Variants in KCNQ3 observed in about 807,000 individuals in gnomAD.
KCNQ3 encodes potassium voltage-gated channel subfamily Q member 3, also known as potassium voltage-gated channel subfamily KQT member 3.
In KCNQ3, 30 loss-of-function variants were observed where a neutral mutation model predicts 92.5. The ratio of observed to expected loss-of-function variants is 0.32; its 90% CI spans 0.24 to 0.44. The LOEUF (loss-of-function observed/expected upper bound fraction) is 0.44. Among genes scored for constraint, KCNQ3 ranks in the 20% least tolerant of loss-of-function variants. KCNQ3 has a pLI of 1.00. For synonymous variants in KCNQ3, 450 were observed against 468.8 expected, an observed-to-expected ratio of 0.96 and a Z score of 0.52; for missense variants, 913 against 1,140.3, an observed-to-expected ratio of 0.80 and a Z score of 2.87.
At chr8:132,420,395 C>T (rs543097337) in intron 1 of KCNQ3, among the ~76,000 whole-genome samples, 1 of 152,252 alleles carries the variant, frequency 6.6e-6, no homozygotes, top group African/African-American at 2.4e-5. Context: ...GTCATGGACA[C>T]AGATGATGAG....
chr8:132,269,342 T>G (rs1816082144), intron 1 of KCNQ3, among the ~76,000 whole-genome samples: 1 of 152,250 alleles, frequency 6.6e-6, no homozygotes, highest in Non-Finnish European at 1.5e-5. Flanking sequence ...TGTTTCACAT[T>G]TAGGTCTGTG....
At chr8:132,282,925 G>C (rs1329710820) in intron 1 of KCNQ3, among the ~76,000 whole-genome samples, 1 of 152,170 alleles carries the variant, frequency 6.6e-6, no homozygotes, top group Non-Finnish European at 1.5e-5. Context: ...CGGCAGGAGA[G>C]AGCCAGGATA....
chr8:132,278,136 A>G, intron 1 of KCNQ3: 1 of 985,374 alleles, frequency 1.0e-6, no homozygotes, highest in African/African-American at 1.7e-5. Context: ...CTAACTAGAG[A>G]ATCCCCATTT....
chr8:132,174,611 G>C (rs367603864), intron 5 of KCNQ3, among the ~76,000 whole-genome samples: 1 of 152,194 alleles, frequency 6.6e-6, no homozygotes, highest in South Asian at 2.1e-4. Context: ...GAGCATTCAT[G>C]TGTGTGTATA....
chr8:132,281,293 G>A (rs1318445200), intron 1 of KCNQ3, among the ~76,000 whole-genome samples: 1 of 152,176 alleles, frequency 6.6e-6, no homozygotes, highest in African/African-American at 2.4e-5. Context: ...CAAACCTCAG[G>A]CATGTGGTGG....
At chr8:132,318,143 G>C (rs1232698095) in intron 1 of KCNQ3, among the ~76,000 whole-genome samples, 5 of 152,100 alleles carry the variant, frequency 3.3e-5, no homozygotes, top group African/African-American at 9.7e-5. Context: ...TAGATCTATG[G>C]GTATGGTAAC....
chr8:132,259,326 G>T (rs1173782325), intron 1 of KCNQ3, among the ~76,000 whole-genome samples: 1 of 152,108 alleles, frequency 6.6e-6, no homozygotes, highest in East Asian at 1.9e-4. Context: ...ATTTATCCCG[G>T]TAATGCAAAG....
chr8:132,461,234 G>C (rs537315756), intron 1 of KCNQ3, among the ~76,000 whole-genome samples: 1 of 152,194 alleles, frequency 6.6e-6, no homozygotes, highest in South Asian at 2.1e-4. Flanking sequence ...AATGAGTTGG[G>C]TAAATAAGAG....
chr8:132,413,285 C>T (rs1425435753), intron 1 of KCNQ3, among the ~76,000 whole-genome samples: 1 of 152,196 alleles, frequency 6.6e-6, no homozygotes, highest in Non-Finnish European at 1.5e-5. Context: ...CATCCTTCAT[C>T]TATTTGCAGC....
At chr8:132,388,637 G>C (rs3957207) in intron 1 of KCNQ3, among the ~76,000 whole-genome samples, 2 of 152,064 alleles carry the variant, frequency 1.3e-5, no homozygotes, top group South Asian at 2.1e-4. Context: ...AGGGGTTAAA[G>C]TTTCATTCAT....
At chr8:132,174,151 G>A (rs561274866) in intron 6 of KCNQ3, 88 bp downstream of exon 6, 39 of 915,456 alleles carry the variant, frequency 4.3e-5, no homozygotes, top group Non-Finnish European at 6.7e-5. Context: ...TAAGAGGATA[G>A]AAGATGACAC....
chr8:132,316,647 G>A (rs1184759679), intron 1 of KCNQ3, among the ~76,000 whole-genome samples: 1 of 152,200 alleles, frequency 6.6e-6, no homozygotes, highest in African/African-American at 2.4e-5. Context: ...CAGACCAGCT[G>A]TGCAGATTTG....
chr8:132,212,906 C>A (rs1813905083), intron 1 of KCNQ3, among the ~76,000 whole-genome samples: 1 of 152,204 alleles, frequency 6.6e-6, no homozygotes, highest in South Asian at 2.1e-4. Context: ...TAGGCAGGTG[C>A]CGCTGCACTT....
intron 4 of KCNQ3, among the ~76,000 whole-genome samples, chr8:132,176,646 G>T (rs528718118): frequency 6.1e-4 from 93 of 152,234 alleles, no homozygotes; most frequent in Middle Eastern, 3.4e-3. Flanking sequence ...GCAGGACTTG[G>T]CTCACATGGG....
chr8:132,462,813 A>T (rs72723104), intron 1 of KCNQ3, among the ~76,000 whole-genome samples: 5,957 of 152,314 alleles, frequency 0.039, 137 homozygotes, highest in African/African-American at 0.075. Context: ...ACACAGGTCA[A>T]TAAGGAATAG....
intron 1 of KCNQ3, among the ~76,000 whole-genome samples, chr8:132,195,706 A>G (rs1420386268): frequency 6.6e-6 from 1 of 152,202 alleles, no homozygotes; most frequent in Admixed American, 6.5e-5. Flanking sequence ...TTCCCCCCAA[A>G]TCAGATCATG....
At chr8:132,216,774 A>G (rs1049316954) in intron 1 of KCNQ3, among the ~76,000 whole-genome samples, 2 of 152,152 alleles carry the variant, frequency 1.3e-5, no homozygotes, top group Non-Finnish European at 2.9e-5. Context: ...ATTAGCTCAT[A>G]GTCCTCTCTG....
At chr8:132,390,304 C>G (rs1820017398) in intron 1 of KCNQ3, among the ~76,000 whole-genome samples, 2 of 152,084 alleles carry the variant, frequency 1.3e-5, no homozygotes, top group Admixed American at 1.3e-4. Context: ...ATAGAGATTG[C>G]TTTTGGGGGA....
rs1423794065 is a variant in KCNQ3, at chr8:132,129,221, G to A, written c.*41C>T. 1 of 1,600,452 alleles carries A rather than the reference G, an allele frequency of 6.2e-7. No individual in the cohort carries two copies. The highest frequency in any genetic ancestry group is 8.5e-7 in the Non-Finnish European group (1 of 1,178,378). On this transcript the variant is annotated 3_prime_UTR_variant, in exon 15 of 15. Coordinates refer to ENST00000388996, the MANE Select transcript of KCNQ3 (RefSeq NM_004519.4). The surrounding 1 kb of genome is among the most constrained non-coding windows in gnomAD (Gnocchi z 5.9). ...TGTAAGAGTAAGTGAACTATACAAA[G>A]TCTGTCTACATTACAAGGAGGGGTC...
Sources: allele counts gnomAD v4.1 joint callset (sites outside exome capture counted in the v4.1 genomes callset), GRCh38; gene constraint gnomAD v4.1.1; non-coding constraint Gnocchi (gnomAD v3.1); transcripts MANE v1.5; gene names NCBI Gene and HGNC (gene_info 2026-07-23, HGNC 2026-07-21).